NXPH1: variants seen among roughly 807,000 people sequenced by gnomAD.
NXPH1 encodes the protein neurexophilin 1, also known as neurexophilin-1.
In NXPH1, 5 loss-of-function variants were observed where a neutral mutation model predicts 23.7. That is an observed-to-expected ratio of 0.21 (90% CI 0.11 to 0.44). The LOEUF (loss-of-function observed/expected upper bound fraction) is 0.44, where lower values mean the gene tolerates loss of function less well. Among genes scored for constraint, NXPH1 ranks in the 20% least tolerant of loss-of-function variants. The probability of loss-of-function intolerance (pLI) is 0.99; values close to 1 mark genes in which losing one functional copy is unlikely to be tolerated. For missense variants in NXPH1, 324 were observed against 321.6 expected (o/e 1.01, Z -0.06); for synonymous variants, 144 against 122.2 (o/e 1.18, Z -1.18).
At chr7:8,696,266 C>T (rs1294894884) in intron 2 of NXPH1, among the ~76,000 whole-genome samples, 2 of 152,070 alleles carry the variant, frequency 1.3e-5, no homozygotes, top group African/African-American at 4.8e-5. Flanking sequence ...GAAAAAGGAG[C>T]CACTCATCCA....
intron 2 of NXPH1, among the ~76,000 whole-genome samples, chr7:8,655,451 TACACACACACACACACAC>T (rs71017603): frequency 1.4e-5 from 2 of 139,098 alleles, no homozygotes; most frequent in Non-Finnish European, 3.1e-5. Flanking sequence ...TCTCTCTCTA[TACACACACACACACACAC>T]ACACACACAC....
intron 2 of NXPH1, among the ~76,000 whole-genome samples, chr7:8,742,009 C>T (rs1243947487): frequency 6.6e-6 from 1 of 152,144 alleles, no homozygotes; most frequent in Non-Finnish European, 1.5e-5. Context: ...CTTTAAATAG[C>T]TGCCTACCTT....
At chr7:8,463,608 T>A (rs1018310964) in intron 2 of NXPH1, among the ~76,000 whole-genome samples, 3 of 152,194 alleles carry the variant, frequency 2.0e-5, no homozygotes, top group African/African-American at 7.2e-5. Flanking sequence ...TTCCAACTTT[T>A]TGATTATTAG....
chr7:8,443,046 C>G (rs906034058), intron 2 of NXPH1, among the ~76,000 whole-genome samples: 20 of 152,210 alleles, frequency 1.3e-4, no homozygotes, highest in Non-Finnish European at 2.8e-4. Flanking sequence ...CCCCCGCTGC[C>G]GCTCCGGCTG....
intron 2 of NXPH1, among the ~76,000 whole-genome samples, chr7:8,596,452 C>T (rs1341032516): frequency 8.5e-5 from 13 of 152,150 alleles, no homozygotes; most frequent in African/African-American, 2.9e-4. Context: ...TCAACCACTG[C>T]CAAAGTGTTT....
chr7:8,634,800 G>T (rs10241594), intron 2 of NXPH1, among the ~76,000 whole-genome samples: 1 of 150,510 alleles, frequency 6.6e-6, no homozygotes, highest in Admixed American at 6.7e-5. Context: ...AAAGCATGCA[G>T]ATGTAAAGAA....
At chr7:8,488,056 T>A (rs115362843) in intron 2 of NXPH1, among the ~76,000 whole-genome samples, 1 of 152,172 alleles carries the variant, frequency 6.6e-6, no homozygotes, top group South Asian at 2.1e-4. Context: ...TAAGCCAGTT[T>A]AGGGCAAAGT....
chr7:8,562,879 T>C (rs1818472214), intron 2 of NXPH1, among the ~76,000 whole-genome samples: 2 of 151,620 alleles, frequency 1.3e-5, no homozygotes, highest in African/African-American at 4.8e-5. Context: ...GACATATACT[T>C]TTTCTGAATT....
intron 2 of NXPH1, among the ~76,000 whole-genome samples, chr7:8,624,699 G>A (rs1819950225): frequency 6.6e-6 from 1 of 152,144 alleles, no homozygotes; most frequent in African/African-American, 2.4e-5. Context: ...AAAGAGAACA[G>A]TAAAGACAAT....
chr7:8,566,579 G>A (rs902312075), intron 2 of NXPH1, among the ~76,000 whole-genome samples: 1 of 151,686 alleles, frequency 6.6e-6, no homozygotes, highest in South Asian at 2.1e-4. Flanking sequence ...CCTGGAGCTG[G>A]GACACTCTTC....
chr7:8,571,735 T>A lies in NXPH1; in HGVS notation c.54+135968T>A, dbSNP rs149098009. Among the ~76,000 whole-genome samples, 87 of 152,026 alleles carry A rather than the reference T, an allele frequency of 5.7e-4. 1 individual carries two copies. The highest frequency in any genetic ancestry group is 2.0e-3 in the African/African-American group (84 of 41,498). ...CTCTGGTTCCTCTGTCAAGTATAAA[T>A]GCATAAAAATAAAACCGTAAGACAC... On this transcript the variant is annotated intron_variant, in intron 2 of 2. Coordinates refer to ENST00000405863, the MANE Select transcript of NXPH1 (RefSeq NM_152745.3).
intron 2 of NXPH1, among the ~76,000 whole-genome samples, chr7:8,561,515 G>A (rs1413665265): frequency 2.0e-5 from 3 of 151,606 alleles, no homozygotes; most frequent in Non-Finnish European, 4.4e-5. Context: ...CCTGAGAGAC[G>A]CCCTGAGACA....
chr7:8,441,180 C>T (rs1384341265), intron 2 of NXPH1, among the ~76,000 whole-genome samples: 6 of 152,174 alleles, frequency 3.9e-5, no homozygotes, highest in Non-Finnish European at 7.4e-5. Flanking sequence ...GCAGGCGAGC[C>T]TGCCAGCCGA....
intron 2 of NXPH1, among the ~76,000 whole-genome samples, chr7:8,719,330 C>T (rs1431649757): frequency 6.6e-6 from 1 of 152,064 alleles, no homozygotes; most frequent in African/African-American, 2.4e-5. Flanking sequence ...GATGATGGCT[C>T]CAGGCCAGCA....
At chr7:8,444,752 A>G (rs1816367526) in intron 2 of NXPH1, among the ~76,000 whole-genome samples, 1 of 152,240 alleles carries the variant, frequency 6.6e-6, no homozygotes, top group Admixed American at 6.5e-5. Context: ...AATCGCTGCA[A>G]AGAAGATAGG....
chr7:8,592,781 A>G (rs1819126704), intron 2 of NXPH1, among the ~76,000 whole-genome samples: 1 of 151,540 alleles, frequency 6.6e-6, no homozygotes, highest in African/African-American at 2.4e-5. Context: ...ATTTTTGGAC[A>G]CTGAAGTTTG....
intron 2 of NXPH1, among the ~76,000 whole-genome samples, chr7:8,511,083 T>C (rs1029852528): frequency 6.6e-6 from 1 of 152,116 alleles, no homozygotes; most frequent in Admixed American, 6.6e-5. Flanking sequence ...TAGAGCTTGG[T>C]TTAACCTGGA....
At chr7:8,499,830 A>G (rs533565212) in intron 2 of NXPH1, among the ~76,000 whole-genome samples, 27 of 152,172 alleles carry the variant, frequency 1.8e-4, no homozygotes, top group African/African-American at 6.5e-4. Context: ...GGCTTTCCAT[A>G]GAACCACAGA....
intron 2 of NXPH1, among the ~76,000 whole-genome samples, chr7:8,684,190 C>G (rs146141751): frequency 6.6e-6 from 1 of 152,164 alleles, no homozygotes; most frequent in Non-Finnish European, 1.5e-5. Context: ...CAGGAAGAAA[C>G]TTTCTACGGT....
Sources: gnomAD v4.1 joint callset for allele counts (sites outside exome capture counted in the v4.1 genomes callset) on GRCh38, gnomAD v4.1.1 for gene constraint, MANE v1.5 for transcripts, NCBI Gene and HGNC (gene_info 2026-07-23, HGNC 2026-07-21) for gene names.